Variants in LRMDA observed in about 807,000 individuals in gnomAD.
LRMDA encodes the protein leucine-rich melanocyte differentiation-associated protein.
Under a neutral mutation model 29.8 loss-of-function variants are expected in LRMDA, and 18 were observed. That is an observed-to-expected ratio of 0.60 (90% confidence interval 0.42 to 0.90). The LOEUF is 0.90. LRMDA is among the 40% of genes least tolerant of loss of function. The pLI is 0.00. For synonymous variants in LRMDA, 125 were observed against 109.4 expected, an observed-to-expected ratio of 1.14 and a Z score of -0.89; for missense variants, 273 against 273.9, an observed-to-expected ratio of 1.00 and a Z score of 0.02.
intron 2 of LRMDA, among the ~76,000 whole-genome samples, chr10:75,849,774 A>G (rs1844700635): frequency 6.6e-6 from 1 of 152,366 alleles, no homozygotes; most frequent in African/African-American, 2.4e-5. Flanking sequence ...AAAATTTAAA[A>G]AAGCCCTAAG....
At chr10:75,572,205 G>T (rs544637473) in intron 2 of LRMDA, among the ~76,000 whole-genome samples, 1 of 152,252 alleles carries the variant, frequency 6.6e-6, no homozygotes, top group East Asian at 1.9e-4. Context: ...ACCTGCCTTG[G>T]CCTCCCAAAG....
intron 2 of LRMDA, among the ~76,000 whole-genome samples, chr10:75,793,164 C>T (rs1405289152): frequency 6.6e-6 from 1 of 152,174 alleles, no homozygotes; most frequent in Non-Finnish European, 1.5e-5. Flanking sequence ...TTCTTAGAGC[C>T]TGACACAATT....
intron 2 of LRMDA, among the ~76,000 whole-genome samples, chr10:75,958,294 T>C (rs1846699976): frequency 6.6e-6 from 1 of 152,206 alleles, no homozygotes; most frequent in South Asian, 2.1e-4. Context: ...TAAGCTGGAA[T>C]TGAATAGGTC....
chr10:76,469,919 A>T (rs1032588298), intron 6 of LRMDA, among the ~76,000 whole-genome samples: 8 of 152,126 alleles, frequency 5.3e-5, no homozygotes, highest in Admixed American at 2.0e-4. Flanking sequence ...TCATCCCAAG[A>T]AGAAACTCTA....
At chr10:75,643,410 C>T (rs921131509) in intron 2 of LRMDA, among the ~76,000 whole-genome samples, 7 of 152,186 alleles carry the variant, frequency 4.6e-5, no homozygotes, top group African/African-American at 1.4e-4. Flanking sequence ...AGGCTCCAAG[C>T]GCAAGTGTTC....
At chr10:76,132,410 G>T (rs1423236695) in intron 5 of LRMDA, among the ~76,000 whole-genome samples, 1 of 152,146 alleles carries the variant, frequency 6.6e-6, no homozygotes, top group Non-Finnish European at 1.5e-5. Flanking sequence ...TCTAATGAAA[G>T]CTGGTTTATC....
chr10:76,383,237 T>C (rs1841614291), intron 6 of LRMDA, among the ~76,000 whole-genome samples: 1 of 152,090 alleles, frequency 6.6e-6, no homozygotes, highest in South Asian at 2.1e-4. Flanking sequence ...GCCCCTTCAG[T>C]AACAGGCACC....
At chr10:75,933,902 A>C (rs886393263) in intron 2 of LRMDA, among the ~76,000 whole-genome samples, 1 of 152,162 alleles carries the variant, frequency 6.6e-6, no homozygotes, top group African/African-American at 2.4e-5. Context: ...GCTCACTCTT[A>C]CATAGGACAG....
intron 5 of LRMDA, among the ~76,000 whole-genome samples, chr10:76,176,003 G>A (rs1850926868): frequency 6.6e-6 from 1 of 152,212 alleles, no homozygotes; most frequent in South Asian, 2.1e-4. Context: ...AGCCAGGAAT[G>A]AGCCGGGCCT....
intron 2 of LRMDA, among the ~76,000 whole-genome samples, chr10:75,543,914 T>C (rs1840048122): frequency 6.6e-6 from 1 of 152,200 alleles, no homozygotes; most frequent in African/African-American, 2.4e-5. Flanking sequence ...AGAAACTTAC[T>C]AATTCTGATA....
At chr10:75,884,265 GTGTGTGTGTGT>G (rs1845343550) in intron 2 of LRMDA, among the ~76,000 whole-genome samples, 5 of 150,222 alleles carry the variant, frequency 3.3e-5, no homozygotes, top group African/African-American at 9.9e-5. Context: ...GTGTGTGTGT[GTGTGTGTGTGT>G]GTGTGTGTGT....
rs774804575 is a variant in LRMDA at position 76,277,519 on chromosome 10, A to AT, written c.517-46873dup. Among the ~76,000 whole-genome samples, 35 of 150,776 alleles carry AT rather than the reference A, an allele frequency of 2.3e-4. 1 individual carries two copies. The East Asian group carries it at 5.3e-3, about 23-fold the overall frequency. ...TGTTTTATAGCATAAAGCTATTTGGATTTTTTTTTCTGCTGTTCCTTTAGT... is the reference window on the plus strand; with the variant it reads ...TGTTTTATAGCATAAAGCTATTTGGATTTTTTTTTTCTGCTGTTCCTTTAGT... On this transcript the variant is annotated intron_variant, in intron 5 of 6. Coordinates refer to ENST00000611255, the MANE Select transcript of LRMDA (RefSeq NM_001305581.2).
intron 6 of LRMDA, chr10:76,464,987 C>G (rs1380804006): frequency 6.6e-6 from 1 of 152,172 alleles, no homozygotes; most frequent in Non-Finnish European, 1.5e-5. Context: ...TGTGGGCACA[C>G]AGAAGAAGCA....
chr10:76,541,442 A>G (rs1265143088), intron 6 of LRMDA, among the ~76,000 whole-genome samples: 1 of 152,192 alleles, frequency 6.6e-6, no homozygotes, highest in Non-Finnish European at 1.5e-5. Flanking sequence ...TGGAGGCTGC[A>G]GTGAGCCCAG....
At chr10:75,589,781 G>C (rs35645295) in intron 2 of LRMDA, among the ~76,000 whole-genome samples, 1 of 145,012 alleles carries the variant, frequency 6.9e-6, no homozygotes, top group Non-Finnish European at 1.5e-5. Context: ...TATATATAGA[G>C]AGAGAGAGAG....
chr10:75,615,589 A>G (rs983715653), intron 2 of LRMDA, among the ~76,000 whole-genome samples: 1 of 152,208 alleles, frequency 6.6e-6, no homozygotes, highest in African/African-American at 2.4e-5. Context: ...TATGAGCACA[A>G]TTATTTGAAC....
intron 2 of LRMDA, among the ~76,000 whole-genome samples, chr10:76,001,012 C>T (rs1480351043): frequency 6.6e-6 from 1 of 152,166 alleles, no homozygotes; most frequent in Non-Finnish European, 1.5e-5. Context: ...CCCGGGGAGG[C>T]ACCCCAAGTC....
At chr10:76,503,525 G>C (rs1485592812) in intron 6 of LRMDA, among the ~76,000 whole-genome samples, 3 of 151,012 alleles carry the variant, frequency 2.0e-5, no homozygotes, top group Non-Finnish European at 4.4e-5. Flanking sequence ...GTTCCGTTCA[G>C]GTTTTCACTT....
At chr10:75,487,459 C>T (rs1844928930) in intron 2 of LRMDA, among the ~76,000 whole-genome samples, 1 of 152,172 alleles carries the variant, frequency 6.6e-6, no homozygotes, top group African/African-American at 2.4e-5. Flanking sequence ...AGTGCTCCAT[C>T]ACTCAAAAGC....
Sources: gnomAD v4.1 joint callset for allele counts (sites outside exome capture counted in the v4.1 genomes callset) on GRCh38, gnomAD v4.1.1 for gene constraint, MANE v1.5 for transcripts, NCBI Gene and HGNC (gene_info 2026-07-23, HGNC 2026-07-21) for gene names.